The following KAZN variants were observed in gnomAD, a reference collection of about 807,000 sequenced individuals.
KAZN encodes the protein kazrin, periplakin interacting protein.
Under a neutral mutation model 87.4 loss-of-function variants are expected in KAZN, and 40 were observed. That is an observed-to-expected ratio of 0.46 (90% CI 0.36 to 0.60). KAZN has a LOEUF of 0.60. KAZN is among the 20% of genes least tolerant of loss of function. The pLI, the probability that KAZN is intolerant of heterozygous loss-of-function variation, is 0.00. For synonymous variants in KAZN, 466 were observed against 458.3 expected (o/e 1.02, Z -0.22); for missense variants, 898 against 1,073.9 (o/e 0.84, Z 2.29).
intron 2 of KAZN, among the ~76,000 whole-genome samples, chr1:14,376,777 A>T (rs1660948884): frequency 6.6e-6 from 1 of 152,214 alleles, no homozygotes; most frequent in Admixed American, 6.5e-5. Flanking sequence ...CCCAGATGAA[A>T]CATATAGTAA....
Position 15,116,336 on chromosome 1 carries a change from T to C in KAZN, c.*1701T>C, listed in dbSNP as rs1641842532. The C allele has an allele frequency of 6.6e-6, 1 of 152,182 alleles. No homozygotes were observed. The highest frequency in any genetic ancestry group is 1.5e-5 in the Non-Finnish European group (1 of 68,030). The allele number at this position is 152,182 out of a possible 1,614,324, so 9.4% of individuals were successfully genotyped here. ...AGCCGAGCTCTGATGAACTTGAGAA[T>C]TACACCTCTCTCATGCCGAAGACCG... On this transcript the variant is annotated 3_prime_UTR_variant, in exon 15 of 15. Transcript: ENST00000376030.
chr1:14,655,947 A>C (rs1307497088), intron 1 of KAZN, among the ~76,000 whole-genome samples: 3 of 152,094 alleles, frequency 2.0e-5, no homozygotes, highest in Non-Finnish European at 4.4e-5. Context: ...GGGGAGCCGC[A>C]ACAACTTGCT....
At chr1:14,300,209 C>T (rs1654445509) in intron 2 of KAZN, among the ~76,000 whole-genome samples, 3 of 152,162 alleles carry the variant, frequency 2.0e-5, no homozygotes, top group South Asian at 2.1e-4. Flanking sequence ...GACTCGGAGC[C>T]TCGTTAGCAT....
At chr1:14,584,922 C>T (rs913993040) in intron 2 of KAZN, among the ~76,000 whole-genome samples, 1 of 152,172 alleles carries the variant, frequency 6.6e-6, no homozygotes, top group African/African-American at 2.4e-5. Context: ...GGATTACAGG[C>T]ATGAGCCACT....
intron 1 of KAZN, among the ~76,000 whole-genome samples, chr1:14,137,462 G>C (rs2101753285): frequency 6.6e-6 from 1 of 152,196 alleles, no homozygotes; most frequent in East Asian, 1.9e-4. Context: ...GTGCCTTGAG[G>C]GCTCAACACA....
chr1:14,100,956 T>C (rs1644236649), intron 1 of KAZN, among the ~76,000 whole-genome samples: 3 of 152,220 alleles, frequency 2.0e-5, no homozygotes, highest in African/African-American at 7.2e-5. Flanking sequence ...AAGCTCTCCC[T>C]TTGCCTGCTG....
In KAZN at chr1:14,773,919, A is replaced by G. The variant is rs947228659; in HGVS notation, c.226+174696A>G. Among the ~76,000 whole-genome samples the G allele has an allele frequency of 6.6e-6, 1 of 152,146 alleles. No individual in the cohort carries two copies. Among genetic ancestry groups the G allele is most frequent in the African/African-American group, 2.4e-5 (1 of 41,428 alleles). On this transcript the variant is annotated intron_variant, in intron 1 of 14. Transcript: ENST00000376030. This position sits in a 1 kb window ranked among gnomAD's most constrained non-coding sequence, Gnocchi z 5.9. ...AAACAGGCAGGGAAGACCTGTCAAC[A>G]CTAATTAGAAAAAAGTGGTTCTCAC...
intron 6 of KAZN, chr1:15,063,333 A>G: frequency 1.8e-6 from 1 of 548,626 alleles, no homozygotes; most frequent in Non-Finnish European, 3.3e-6. Context: ...CTGGGGGTTG[A>G]GAGGCCAGAC....
chr1:14,040,081 G>A (rs1267300692), intron 1 of KAZN, among the ~76,000 whole-genome samples: 1 of 75,582 alleles, frequency 1.3e-5, no homozygotes, highest in African/African-American at 5.0e-5. Context: ...GTGTGTGCAC[G>A]TGTGTGTGTG....
At chr1:14,464,798 C>A (rs1444334359) in intron 2 of KAZN, among the ~76,000 whole-genome samples, 1 of 152,062 alleles carries the variant, frequency 6.6e-6, no homozygotes, top group African/African-American at 2.4e-5. Flanking sequence ...GCCTCCACCT[C>A]CCAAAGTGCT....
intron 1 of KAZN, among the ~76,000 whole-genome samples, chr1:14,148,934 T>C (rs1469883924): frequency 6.6e-6 from 1 of 152,090 alleles, no homozygotes; most frequent in African/African-American, 2.4e-5. Flanking sequence ...GTTTTGGCTT[T>C]TATATTTTGG....
At chr1:14,214,080 T>C (rs1443090317) in intron 2 of KAZN, among the ~76,000 whole-genome samples, 1 of 152,104 alleles carries the variant, frequency 6.6e-6, no homozygotes, top group African/African-American at 2.4e-5. Flanking sequence ...GACATTGGAA[T>C]AGGAAAATGG....
At chr1:14,360,518 G>A (rs1012015647) in intron 2 of KAZN, among the ~76,000 whole-genome samples, 3 of 152,066 alleles carry the variant, frequency 2.0e-5, no homozygotes, top group Admixed American at 1.3e-4. Context: ...GAGGAGAAGA[G>A]GCATTCTGGT....
intron 8 of KAZN, chr1:15,067,521 C>G (rs897477608): frequency 8.1e-6 from 8 of 985,494 alleles, no homozygotes; most frequent in Middle Eastern, 1.0e-3. Flanking sequence ...TCCTTAACAA[C>G]TAACAGCTCA....
At chr1:14,407,376 G>T (rs1466396529) in intron 2 of KAZN, among the ~76,000 whole-genome samples, 1 of 152,170 alleles carries the variant, frequency 6.6e-6, no homozygotes, top group African/African-American at 2.4e-5. Context: ...ATATTGTTCT[G>T]CTGGTCATTG....
chr1:14,948,261 AT>A (rs1299227793), intron 1 of KAZN, among the ~76,000 whole-genome samples: 3 of 152,232 alleles, frequency 2.0e-5, no homozygotes, highest in Admixed American at 6.5e-5. Flanking sequence ...CAGGGATAGG[AT>A]CTGGCTTCAG....
intron 1 of KAZN, among the ~76,000 whole-genome samples, chr1:13,925,749 T>G (rs996756549): frequency 6.6e-6 from 1 of 152,164 alleles, no homozygotes; most frequent in African/African-American, 2.4e-5. Flanking sequence ...TGGCCAGCGG[T>G]TGAAAATGGA....
At chr1:14,519,778 A>G (rs889241443) in intron 2 of KAZN, among the ~76,000 whole-genome samples, 28 of 152,140 alleles carry the variant, frequency 1.8e-4, no homozygotes, top group African/African-American at 6.8e-4. Flanking sequence ...TGAGAGATGC[A>G]GGAGGATCCC....
chr1:14,306,386 C>A (rs1351339181), intron 2 of KAZN, among the ~76,000 whole-genome samples: 1 of 152,186 alleles, frequency 6.6e-6, no homozygotes, highest in Non-Finnish European at 1.5e-5. Flanking sequence ...CCTTACCACT[C>A]AGGGCCAATG....
Sources: allele counts gnomAD v4.1 joint callset (sites outside exome capture counted in the v4.1 genomes callset), GRCh38; gene constraint gnomAD v4.1.1; non-coding constraint Gnocchi (gnomAD v3.1); transcripts MANE v1.5; gene names NCBI Gene and HGNC (gene_info 2026-07-23, HGNC 2026-07-21).